The following DMD variants were observed in gnomAD, a reference collection of about 807,000 sequenced individuals.
DMD encodes the protein dystrophin.
Under a neutral mutation model 330.1 loss-of-function variants are expected in DMD, and 63 were observed. That is an observed-to-expected ratio of 0.19 (90% CI 0.16 to 0.24). The LOEUF (loss-of-function observed/expected upper bound fraction) is 0.24, where lower values mean the gene tolerates loss of function less well. Among genes scored for constraint, DMD ranks in the 10% least tolerant of loss-of-function variants. The pLI, the probability that DMD is intolerant of heterozygous loss-of-function variation, is 1.00. For missense variants in DMD, 3,344 were observed against 2,684.1 expected, an observed-to-expected ratio of 1.25 and a Z score of -5.43; for synonymous variants, 1,223 against 959.8, an observed-to-expected ratio of 1.27 and a Z score of -5.07.
At chrX:32,709,500 C>A (rs773429730) in intron 7 of DMD, among the ~76,000 whole-genome samples, 2 of 111,743 alleles carry the variant, frequency 1.8e-5, no homozygotes, top group South Asian at 7.4e-4. Flanking sequence ...CTGTAAAGTA[C>A]AGCATGACCC....
chrX:32,405,531 T>C (rs1270841384), intron 30 of DMD, among the ~76,000 whole-genome samples: 1 of 111,792 alleles, frequency 8.9e-6, no homozygotes, highest in Non-Finnish European at 1.9e-5. Flanking sequence ...ATAAATCTTT[T>C]CTTAATTTTG....
chrX:31,824,388 C>T (rs1398687021), intron 49 of DMD, among the ~76,000 whole-genome samples: 3 of 110,258 alleles, frequency 2.7e-5, no homozygotes, highest in South Asian at 3.9e-4. Flanking sequence ...CTCAGCCTCC[C>T]GGTAGCTGGG....
intron 16 of DMD, among the ~76,000 whole-genome samples, chrX:32,560,553 G>C (rs1242829248): frequency 9.1e-6 from 1 of 110,478 alleles, no homozygotes; most frequent in African/African-American, 3.3e-5. Context: ...GGTAGATATT[G>C]AGCCCAGCAT....
At chrX:32,425,819 GC>G (rs2098210376) in intron 29 of DMD, among the ~76,000 whole-genome samples, 2 of 111,386 alleles carry the variant, frequency 1.8e-5, no homozygotes, top group African/African-American at 3.3e-5. Context: ...AGAATGGAAA[GC>G]CCAGAAATAA....
intron 11 of DMD, among the ~76,000 whole-genome samples, chrX:32,619,730 G>T (rs776057261): frequency 8.9e-6 from 1 of 111,830 alleles, no homozygotes; most frequent in South Asian, 3.7e-4. Flanking sequence ...GTTTCGCTCA[G>T]TAGACTACTT....
At chrX:32,482,253 G>A (rs1465224342) in intron 21 of DMD, among the ~76,000 whole-genome samples, 1 of 111,144 alleles carries the variant, frequency 9.0e-6, no homozygotes, top group African/African-American at 3.3e-5. Context: ...TGAGTTTACT[G>A]GTTTTCAGTC....
At chrX:31,577,005 G>A (rs2076138179) in intron 55 of DMD, among the ~76,000 whole-genome samples, 1 of 111,681 alleles carries the variant, frequency 9.0e-6, no homozygotes, top group East Asian at 2.8e-4. Context: ...GTGAGCCACC[G>A]CGCCCGGCCG....
intron 16 of DMD, among the ~76,000 whole-genome samples, chrX:32,555,276 A>T (rs1310688765): frequency 9.0e-6 from 1 of 111,669 alleles, no homozygotes; most frequent in Non-Finnish European, 1.9e-5. Context: ...AATTCTCAAT[A>T]AACTAGGTAT....
intron 1 of DMD, among the ~76,000 whole-genome samples, chrX:33,058,195 A>G (rs942332945): frequency 2.7e-5 from 3 of 111,773 alleles, no homozygotes; most frequent in Non-Finnish European, 5.6e-5. Flanking sequence ...CGCATTTTTA[A>G]TTCTAATTCT....
intron 1 of DMD, among the ~76,000 whole-genome samples, chrX:33,255,953 A>G (rs2052849859): frequency 9.0e-6 from 1 of 111,598 alleles, no homozygotes; most frequent in East Asian, 2.8e-4. Context: ...AAAACTTCAC[A>G]ACTTGTGTAG....
intron 62 of DMD, among the ~76,000 whole-genome samples, chrX:31,262,184 G>A (rs915218753): frequency 4.5e-5 from 5 of 112,151 alleles, no homozygotes; most frequent in African/African-American, 1.3e-4. Flanking sequence ...GTAAGTGACC[G>A]GCACCATTTG....
At chrX:32,133,554 G>C (rs181139389) in intron 44 of DMD, among the ~76,000 whole-genome samples, 326 of 111,368 alleles carry the variant, frequency 2.9e-3, no homozygotes, top group Non-Finnish European at 4.9e-3. Flanking sequence ...ATGTCTAACA[G>C]ATATCCAAAT....
Position 31,679,463 on chromosome X carries a change from A to T in DMD, c.7784T>A (p.Val2595Asp), listed in dbSNP as rs2082257158. 8.3e-7 allele frequency: 1 copy of T among 1,211,655 alleles called. No homozygotes were observed. The highest frequency in any genetic ancestry group is 1.1e-6 in the Non-Finnish European group (1 of 895,427). ...WLEAKEEAEQ[V>D]LGQARAKLES... ...AAGCTTGGCTCTGGCCTGTCCTAAG[A>T]CCTGCTCAGCTTCTTCCTTAGCTTC... Residue 2595 changes from valine to aspartate, a missense_variant, in exon 53 of 79, where the codon GTC becomes GAC. Physicochemically the swap from Val to Asp is radical, Grantham distance 152 (BLOSUM62 -3). Transcript: ENST00000357033.
chrX:31,997,892 G>A (rs1429056749), intron 44 of DMD, among the ~76,000 whole-genome samples: 4 of 111,613 alleles, frequency 3.6e-5, no homozygotes, highest in Non-Finnish European at 7.5e-5. Flanking sequence ...TCATAAGAGC[G>A]TATGGGAGTT....
intron 64 of DMD, among the ~76,000 whole-genome samples, chrX:31,212,909 GA>G (rs1233847826): frequency 9.0e-6 from 1 of 110,783 alleles, no homozygotes; most frequent in South Asian, 3.8e-4. Flanking sequence ...GGTTAGTGGA[GA>G]AAAAAAAAGT....
intron 17 of DMD, among the ~76,000 whole-genome samples, chrX:32,544,496 T>C (rs16998339): frequency 0.15 from 16,416 of 111,180 alleles, 1,825 homozygotes; most frequent in African/African-American, 0.37. Flanking sequence ...ATAATTTTTA[T>C]GCCAGCTTTG....
intron 42 of DMD, among the ~76,000 whole-genome samples, chrX:32,306,297 T>C (rs2097539883): frequency 9.0e-6 from 1 of 111,152 alleles, no homozygotes; most frequent in Non-Finnish European, 1.9e-5. Flanking sequence ...TAACAATTTT[T>C]TGTTTCTCAA....
At chrX:32,976,143 G>T (rs1281806855) in intron 2 of DMD, among the ~76,000 whole-genome samples, 1 of 110,053 alleles carries the variant, frequency 9.1e-6, no homozygotes, top group African/African-American at 3.3e-5. Context: ...ATCGCTTGAA[G>T]CTGGGAGGCG....
At chrX:32,508,199 T>A (rs1263931711) in intron 18 of DMD, among the ~76,000 whole-genome samples, 4 of 111,028 alleles carry the variant, frequency 3.6e-5, no homozygotes, top group Non-Finnish European at 7.5e-5. Context: ...AACTGGTGCA[T>A]AAAGAGACAC....
Sources: allele counts gnomAD v4.1 joint callset (sites outside exome capture counted in the v4.1 genomes callset), GRCh38; gene constraint gnomAD v4.1.1; transcripts MANE v1.5; gene names NCBI Gene and HGNC (gene_info 2026-07-23, HGNC 2026-07-21).